The following CYP46A1 variants were observed in gnomAD, a reference collection of about 807,000 sequenced individuals.
CYP46A1 encodes cholesterol 24-hydroxylase.
CYP46A1 carries 20 observed loss-of-function variants against 63.3 expected under a neutral mutation model. That is an observed-to-expected ratio of 0.32 (90% CI 0.22 to 0.46). CYP46A1 has a LOEUF of 0.46. CYP46A1 is among the 20% of genes least tolerant of loss of function. CYP46A1 has a pLI of 1.00. For missense variants in CYP46A1, 445 were observed against 670.8 expected, an observed-to-expected ratio of 0.66 and a Z score of 3.72; for synonymous variants, 268 against 273.6, an observed-to-expected ratio of 0.98 and a Z score of 0.20.
intron 10 of CYP46A1, 53 bp downstream of exon 10, chr14:99,718,179 C>T (rs2056809925): frequency 1.3e-6 from 2 of 1,520,582 alleles, no homozygotes; most frequent in Admixed American, 1.7e-5. Flanking sequence ...TTTCTTGTTC[C>T]TGAGGGCCAC....
intron 7 of CYP46A1, among the ~76,000 whole-genome samples, chr14:99,714,322 A>G (rs907069918): frequency 1.3e-5 from 2 of 152,252 alleles, no homozygotes; most frequent in Non-Finnish European, 2.9e-5. Flanking sequence ...AGGTTTCTCA[A>G]ACTAAAAAGA....
intron 6 of CYP46A1, 145 bp downstream of exon 6, chr14:99,706,930 C>T (rs1360984764): frequency 4.6e-6 from 5 of 1,086,908 alleles, no homozygotes; most frequent in East Asian, 5.3e-5. Context: ...ATTCTGTATA[C>T]ATTCTGTCTC....
chr14:99,723,290 A>C (rs1264479904), intron 12 of CYP46A1, among the ~76,000 whole-genome samples: 1 of 151,904 alleles, frequency 6.6e-6, no homozygotes, highest in Admixed American at 6.6e-5. Context: ...TTTTTACGGC[A>C]TACATTTATT....
intron 7 of CYP46A1, chr14:99,710,002 GAAAT>G (rs1381225966): frequency 6.6e-6 from 1 of 152,138 alleles, no homozygotes; most frequent in South Asian, 2.1e-4. Context: ...AACTGAAAGA[GAAAT>G]AAAGTCTGTC....
At chr14:99,719,999 T>A (rs1172433068) in intron 10 of CYP46A1, among the ~76,000 whole-genome samples, 1 of 151,946 alleles carries the variant, frequency 6.6e-6, no homozygotes, top group East Asian at 1.9e-4. Context: ...CCTGACCTCA[T>A]GATCCACCCG....
At chr14:99,711,448 A>G (rs1233808149) in intron 7 of CYP46A1, 1 of 152,122 alleles carries the variant, frequency 6.6e-6, no homozygotes, top group Non-Finnish European at 1.5e-5. Flanking sequence ...AAAAGGAGAC[A>G]TTACAACTGA....
chr14:99,720,158 C>T (rs1957515), intron 10 of CYP46A1, among the ~76,000 whole-genome samples: 136,676 of 152,208 alleles, frequency 0.9, 61,845 homozygotes, highest in South Asian at 0.98. Context: ...CTGGGTTGCT[C>T]CTACCGTTTG....
chr14:99,723,380 C>T (rs865997197), intron 12 of CYP46A1, among the ~76,000 whole-genome samples: 49 of 152,226 alleles, frequency 3.2e-4, no homozygotes, highest in African/African-American at 1.1e-3. Flanking sequence ...GCCATCTCGG[C>T]TCACTGCAAC....
chr14:99,718,251 C>A, intron 10 of CYP46A1, 125 bp downstream of exon 10: 2 of 743,594 alleles, frequency 2.7e-6, no homozygotes, highest in Non-Finnish European at 4.5e-6. Context: ...GGCCTTGGCA[C>A]ATGCTGTTCC....
intron 3 of CYP46A1, chr14:99,695,378 G>A: frequency 2.6e-6 from 1 of 387,720 alleles, no homozygotes; most frequent in Admixed American, 3.2e-5. Context: ...GTGGTTGCAG[G>A]GCAAGGAATG....
intron 12 of CYP46A1, among the ~76,000 whole-genome samples, chr14:99,723,370 G>A (rs929976267): frequency 1.3e-5 from 2 of 152,100 alleles, no homozygotes; most frequent in Admixed American, 6.5e-5. Context: ...GTGCAGTGGC[G>A]CCATCTCGGC....
intron 3 of CYP46A1, among the ~76,000 whole-genome samples, chr14:99,697,180 G>A (rs1271226419): frequency 6.6e-6 from 1 of 152,176 alleles, no homozygotes; most frequent in African/African-American, 2.4e-5. Flanking sequence ...GCATAGATTG[G>A]TATACATCCG....
intron 13 of CYP46A1, 140 bp from the exon 14 acceptor site, chr14:99,726,050 C>A: frequency 1.4e-6 from 1 of 727,776 alleles, no homozygotes; most frequent in Non-Finnish European, 2.4e-6. Flanking sequence ...GTCAGCGGTT[C>A]ATGCTTTGCA....
At chr14:99,715,519 C>A (rs186264382) in intron 7 of CYP46A1, among the ~76,000 whole-genome samples, 1 of 152,244 alleles carries the variant, frequency 6.6e-6, no homozygotes, top group Non-Finnish European at 1.5e-5. Context: ...GCAAGCCTAG[C>A]TGCCTCCACT....
chr14:99,707,600 G>C lies in CYP46A1; in HGVS notation c.615G>C (p.Leu205=), dbSNP rs2056689387. The C allele has an allele frequency of 1.2e-6, 2 of 1,614,076 alleles. No homozygotes were observed. The highest frequency in any genetic ancestry group is 1.7e-6 in the Non-Finnish European group (2 of 1,179,976). ...TTGGGATGGAGACCAGTATGCTGCT[G>C]GGTGCCCAGAAGCCTCTGTCCCAGG... ...AAFGMETSML[L]GAQKPLSQAV... The change falls in exon 7 of 15, where the codon CTG becomes CTC. Residue 205 remains leucine, a synonymous_variant. Transcript: ENST00000261835.
At position 99,699,457 on chromosome 14, in the gene CYP46A1, G is replaced by C. The variant is rs368717736; in HGVS notation, c.283-9G>C. 5.6e-6 allele frequency: 9 copies of C among 1,613,928 alleles called. No individual in the cohort carries two copies. Among genetic ancestry groups the C allele is most frequent in the Non-Finnish European group, 7.6e-6 (9 of 1,179,966 alleles). ...CATGAGCCTATGTTGGTTTTTTGGGGATATTTAGAAGTTCCTGATGTCAAC... is the reference window on the plus strand; with the variant it reads ...CATGAGCCTATGTTGGTTTTTTGGGCATATTTAGAAGTTCCTGATGTCAAC... On this transcript the variant is annotated splice_polypyrimidine_tract_variant and intron_variant, in intron 3 of 14. Coordinates refer to ENST00000261835, the MANE Select transcript of CYP46A1 (RefSeq NM_006668.2).
At position 99,725,271 on chromosome 14, in the gene CYP46A1, T is replaced by G; in HGVS notation, c.1177-120T>G. On this transcript the variant is annotated intron_variant, in intron 12 of 14. Transcript: ENST00000261835. The surrounding 1 kb of genome is among the most constrained non-coding windows in gnomAD (Gnocchi z 4.2). ...CCAACCTAGATGAGGGGTGAAGACA[T>G]GGGGGGAGGAGAGTGGGACCCACTC... The G allele has an allele frequency of 1.4e-6, 1 of 717,732 alleles. No individual in the cohort carries two copies. The highest frequency in any genetic ancestry group is 2.5e-6 in the Non-Finnish European group (1 of 401,934). The allele number at this position is 717,732 out of a possible 1,614,324, so 44.5% of individuals were successfully genotyped here. A position where few individuals can be genotyped will look rare whatever the true frequency, so the allele number is the denominator to read the frequency against.
chr14:99,724,314 GC>G (rs1245809305), intron 12 of CYP46A1, among the ~76,000 whole-genome samples: 1 of 152,138 alleles, frequency 6.6e-6, no homozygotes, highest in African/African-American at 2.4e-5. Context: ...CCCAGTCCCT[GC>G]TCCCAGCCCC....
intron 1 of CYP46A1, 25 bp from the exon 2 acceptor site, chr14:99,691,056 G>GC (rs1271242447): frequency 6.2e-7 from 1 of 1,610,760 alleles, no homozygotes; most frequent in Non-Finnish European, 8.5e-7. Context: ...CTGCTGGTAA[G>GC]CCTAATGTTT....
Sources: allele counts gnomAD v4.1 joint callset (sites outside exome capture counted in the v4.1 genomes callset), GRCh38; gene constraint gnomAD v4.1.1; non-coding constraint Gnocchi (gnomAD v3.1); transcripts MANE v1.5; gene names NCBI Gene and HGNC (gene_info 2026-07-23, HGNC 2026-07-21).